The following RUNDC3B variants were observed in gnomAD, a reference collection of about 807,000 sequenced individuals.
RUNDC3B encodes the protein RUN domain containing 3B.
Under a neutral mutation model 58.4 loss-of-function variants are expected in RUNDC3B, and 33 were observed. The observed-to-expected ratio is 0.56, with a 90% CI of 0.43 to 0.75. The LOEUF (loss-of-function observed/expected upper bound fraction) is 0.75. Ranked by LOEUF, RUNDC3B falls within the 30% of genes least tolerant of loss-of-function variation. RUNDC3B has a pLI of 0.00. For synonymous variants in RUNDC3B, 193 were observed against 195.2 expected (o/e 0.99, Z 0.10); for missense variants, 501 against 535.7 (o/e 0.94, Z 0.64).
intron 8 of RUNDC3B, among the ~76,000 whole-genome samples, chr7:87,794,301 G>A (rs557618312): frequency 1.3e-5 from 2 of 152,244 alleles, no homozygotes; most frequent in African/African-American, 4.8e-5. Context: ...TGGGTGTGGT[G>A]GCACATGCCT....
Position 87,832,254 on chromosome 7 carries a change from C to T in RUNDC3B, c.*2224C>T, listed in dbSNP as rs1039889851. 11 of 151,876 alleles carry T rather than the reference C, an allele frequency of 7.2e-5. No individual in the cohort carries two copies. Among genetic ancestry groups the T allele is most frequent in the African/African-American group, 1.2e-4 (5 of 41,384 alleles). 9.4% of individuals were successfully genotyped at this position (151,876 alleles called of 1,614,324 possible). A position where few individuals can be genotyped will look rare whatever the true frequency, so the allele number is the denominator to read the frequency against. ...CCATGTGTATTCTGTTGCCTTGATG[C>T]GTACTATACTTGTTGCATGTATATT... On this transcript the variant is annotated 3_prime_UTR_variant, in exon 11 of 11. Transcript: ENST00000394654.
chr7:87,671,900 T>C (rs910032211), intron 2 of RUNDC3B, among the ~76,000 whole-genome samples: 2 of 152,166 alleles, frequency 1.3e-5, no homozygotes, highest in East Asian at 3.9e-4. Context: ...AGCTCTCTGT[T>C]GGCTGGAAAA....
chr7:87,698,013 G>T (rs1049317477), intron 2 of RUNDC3B, among the ~76,000 whole-genome samples: 1 of 152,232 alleles, frequency 6.6e-6, no homozygotes, highest in Admixed American at 6.5e-5. Context: ...AGAAGAGAGG[G>T]AGCAGAAGAA....
At chr7:87,785,553 T>C (rs1234536707) in intron 8 of RUNDC3B, among the ~76,000 whole-genome samples, 2 of 152,124 alleles carry the variant, frequency 1.3e-5, no homozygotes, top group Non-Finnish European at 2.9e-5. Flanking sequence ...GGCAAAACAC[T>C]CAGGCGGGGC....
chr7:87,708,097 A>G lies in RUNDC3B; in HGVS notation c.373-2473A>G, dbSNP rs571743666. On this transcript the variant is annotated intron_variant, in intron 3 of 10. Coordinates refer to ENST00000394654, the MANE Select transcript of RUNDC3B (RefSeq NM_001134405.2). Reference sequence around the variant, plus strand: ...ATTGGTTACCAAAACTTTCATCTCAAGAAGCTATGAAAAAAGAAATACATT... The same window carrying G: ...ATTGGTTACCAAAACTTTCATCTCAGGAAGCTATGAAAAAAGAAATACATT... 2.6e-5 allele frequency among the ~76,000 whole-genome samples: 4 copies of G among 152,276 alleles called. No homozygotes were observed. The South Asian group carries it at 8.3e-4, about 32-fold the overall frequency.
At chr7:87,710,276 C>T (rs945152152) in intron 3 of RUNDC3B, among the ~76,000 whole-genome samples, 2 of 152,052 alleles carry the variant, frequency 1.3e-5, no homozygotes, top group Non-Finnish European at 2.9e-5. Context: ...TATATAATTA[C>T]ATCATGTAAT....
At chr7:87,718,175 C>G (rs1208721713) in intron 4 of RUNDC3B, among the ~76,000 whole-genome samples, 1 of 152,112 alleles carries the variant, frequency 6.6e-6, no homozygotes, top group Non-Finnish European at 1.5e-5. Flanking sequence ...GCGGCAATGT[C>G]CAGTGAAAAA....
intron 1 of RUNDC3B, among the ~76,000 whole-genome samples, chr7:87,631,373 T>C (rs1023052725): frequency 6.6e-6 from 1 of 152,186 alleles, no homozygotes; most frequent in Non-Finnish European, 1.5e-5. Flanking sequence ...ATGTCTCTTA[T>C]GAATTCTTTT....
rs1376101803 is a variant in RUNDC3B at position 87,770,647 on chromosome 7, TA to T, written c.697del (p.Thr233LeufsTer76). On this transcript the variant is annotated frameshift_variant, in exon 7 of 11. Transcript: ENST00000394654. LOFTEE classifies it high-confidence loss of function. Reference protein sequence around the residue: ...TLGSSGSESSTPENVGPPFLM... With the variant: ...TLGSSGSESSXPENVGPPFLM... ...TGGGAAGCAGTGGTAGCGAAAGCAG[TA>T]CTCCAGAGAATGTCGGACCTCCTTT... The T allele has an allele frequency of 6.2e-7, 1 of 1,613,336 alleles. No homozygotes were observed. Among genetic ancestry groups the T allele is most frequent in the East Asian group, 2.2e-5 (1 of 44,864 alleles).
At chr7:87,750,490 C>T (rs1293266610) in intron 6 of RUNDC3B, among the ~76,000 whole-genome samples, 5 of 151,742 alleles carry the variant, frequency 3.3e-5, no homozygotes, top group African/African-American at 4.8e-5. Flanking sequence ...TTTACAGTCC[C>T]ACCAACAGTG....
intron 1 of RUNDC3B, among the ~76,000 whole-genome samples, chr7:87,639,789 A>G (rs955346790): frequency 6.6e-6 from 1 of 152,000 alleles, no homozygotes; most frequent in Admixed American, 6.6e-5. Flanking sequence ...TCTTATATTT[A>G]GAGTGTCCTT....
intron 2 of RUNDC3B, among the ~76,000 whole-genome samples, chr7:87,660,081 G>A (rs992507721): frequency 1.3e-5 from 2 of 151,978 alleles, no homozygotes; most frequent in Non-Finnish European, 2.9e-5. Context: ...GCTTTTTTGG[G>A]TTTTGTTGTC....
intron 2 of RUNDC3B, 151 bp downstream of exon 2, chr7:87,651,088 C>CCT (rs1823525289): frequency 3.5e-6 from 2 of 574,992 alleles, no homozygotes; most frequent in African/African-American, 3.8e-5. Flanking sequence ...TACGAAAGAG[C>CCT]CTCTGTTCTC....
At chr7:87,704,497 A>G (rs1404531558) in intron 3 of RUNDC3B, among the ~76,000 whole-genome samples, 2 of 152,246 alleles carry the variant, frequency 1.3e-5, no homozygotes, top group African/African-American at 4.8e-5. Flanking sequence ...AACAAAGTTT[A>G]GAAATGTAGC....
rs142156407 is a variant in RUNDC3B at position 87,733,243 on chromosome 7, A to T, written c.459-6548A>T. Among the ~76,000 whole-genome samples the T allele has an allele frequency of 3.3e-3, 510 of 152,250 alleles. 1 individual carries two copies. The highest frequency in any genetic ancestry group is 6.0e-3 in the Non-Finnish European group (406 of 68,014). On this transcript the variant is annotated intron_variant, in intron 4 of 10. Transcript: ENST00000394654. ...ATCTTGGTGATGTGAAACCTCCCTG[A>T]CTGTACGTCCATTCATAGGCTCTCT...
chr7:87,654,295 C>T (rs1823866953), intron 2 of RUNDC3B, among the ~76,000 whole-genome samples: 1 of 151,928 alleles, frequency 6.6e-6, no homozygotes, highest in African/African-American at 2.4e-5. Flanking sequence ...GCAAAAAGAA[C>T]AAAGCTGGAG....
intron 7 of RUNDC3B, among the ~76,000 whole-genome samples, chr7:87,772,460 G>A (rs1422619921): frequency 1.3e-5 from 2 of 152,250 alleles, no homozygotes; most frequent in East Asian, 3.9e-4. Context: ...ATAGATAATA[G>A]TTAAAATATG....
intron 4 of RUNDC3B, among the ~76,000 whole-genome samples, chr7:87,727,876 C>G (rs1831333579): frequency 6.6e-6 from 1 of 151,920 alleles, no homozygotes; most frequent in African/African-American, 2.4e-5. Context: ...CGGTAAGCTT[C>G]CTAGGAAAAA....
intron 10 of RUNDC3B, among the ~76,000 whole-genome samples, chr7:87,819,685 G>A (rs1363126992): frequency 2.0e-5 from 3 of 152,128 alleles, no homozygotes; most frequent in South Asian, 2.1e-4. Flanking sequence ...ACAACAAACT[G>A]TCTCTCAGAC....
Sources: allele counts gnomAD v4.1 joint callset (sites outside exome capture counted in the v4.1 genomes callset), GRCh38; gene constraint gnomAD v4.1.1; transcripts MANE v1.5; gene names NCBI Gene and HGNC (gene_info 2026-07-23, HGNC 2026-07-21).